The following PRKG1 variants were observed in gnomAD, a reference collection of about 807,000 sequenced individuals.
PRKG1 encodes the protein cGMP-dependent protein kinase 1.
In PRKG1, 35 loss-of-function variants were observed where a neutral mutation model predicts 88.1. The ratio of observed to expected loss-of-function variants is 0.40; its 90% CI spans 0.30 to 0.53. The LOEUF (loss-of-function observed/expected upper bound fraction) is 0.53. Ranked by LOEUF, PRKG1 falls within the 20% of genes least tolerant of loss-of-function variation. The pLI, the probability that PRKG1 is intolerant of heterozygous loss-of-function variation, is 0.59. For missense variants in PRKG1, 540 were observed against 839.8 expected (o/e 0.64, Z 4.41); for synonymous variants, 303 against 292.5 (o/e 1.04, Z -0.37).
chr10:51,423,888 C>T (rs1468765749), intron 2 of PRKG1, among the ~76,000 whole-genome samples: 1 of 151,986 alleles, frequency 6.6e-6, no homozygotes, highest in Admixed American at 6.6e-5. Context: ...AAAAATAGGG[C>T]ATAAATTGAA....
chr10:51,871,686 GTT>G (rs1344500979), intron 4 of PRKG1, among the ~76,000 whole-genome samples: 3 of 152,220 alleles, frequency 2.0e-5, no homozygotes, highest in African/African-American at 7.2e-5. Flanking sequence ...GATTGCTACA[GTT>G]CAGTGGGCCT....
At chr10:51,332,500 G>A (rs1037588620) in intron 2 of PRKG1, among the ~76,000 whole-genome samples, 6 of 152,118 alleles carry the variant, frequency 3.9e-5, no homozygotes, top group Non-Finnish European at 7.3e-5. Context: ...TATTTCAAGG[G>A]CCAAAATTTA....
chr10:52,085,531 C>T (rs1846889775), intron 7 of PRKG1, among the ~76,000 whole-genome samples: 1 of 151,746 alleles, frequency 6.6e-6, no homozygotes, highest in African/African-American at 2.4e-5. Flanking sequence ...TTTGACATGC[C>T]CACATCATTT....
intron 2 of PRKG1, among the ~76,000 whole-genome samples, chr10:51,387,984 T>C (rs1837295790): frequency 6.6e-6 from 1 of 152,202 alleles, no homozygotes; most frequent in Non-Finnish European, 1.5e-5. Flanking sequence ...GCTTTGAAGT[T>C]AGTGGGTTGA....
At chr10:50,998,062 G>C (rs1030749831) in intron 1 of PRKG1, among the ~76,000 whole-genome samples, 1 of 152,154 alleles carries the variant, frequency 6.6e-6, no homozygotes, top group Admixed American at 6.5e-5. Context: ...CTTATAGTTT[G>C]TAAAATGCTT....
At chr10:51,534,749 A>C (rs528964825) in intron 3 of PRKG1, among the ~76,000 whole-genome samples, 1 of 152,232 alleles carries the variant, frequency 6.6e-6, no homozygotes, top group African/African-American at 2.4e-5. Context: ...AAAATAGCCA[A>C]GAATGACAAG....
intron 2 of PRKG1, among the ~76,000 whole-genome samples, chr10:51,327,632 A>T (rs909957936): frequency 6.6e-6 from 1 of 152,228 alleles, no homozygotes; most frequent in Non-Finnish European, 1.5e-5. Context: ...CCTGGATGCT[A>T]TAACCTACTA....
chr10:51,820,331 ACTT>A (rs1230765723), intron 4 of PRKG1, among the ~76,000 whole-genome samples: 1 of 152,108 alleles, frequency 6.6e-6, no homozygotes, highest in Non-Finnish European at 1.5e-5. Context: ...GCCACCATCT[ACTT>A]CTTTTTCTCA....
intron 3 of PRKG1, among the ~76,000 whole-genome samples, chr10:51,532,869 T>C (rs1204951281): frequency 6.6e-6 from 1 of 152,178 alleles, no homozygotes; most frequent in Non-Finnish European, 1.5e-5. Context: ...TCTCCCCTTC[T>C]CCCTTTCTTT....
chr10:51,391,919 T>G (rs1456566927), intron 2 of PRKG1, among the ~76,000 whole-genome samples: 3 of 152,218 alleles, frequency 2.0e-5, no homozygotes. Context: ...CCAATGGATA[T>G]TTTTCCTTGC....
chr10:52,048,783 C>T (rs980656413), intron 5 of PRKG1, among the ~76,000 whole-genome samples: 7 of 145,834 alleles, frequency 4.8e-5, no homozygotes, highest in African/African-American at 7.5e-5. Context: ...TTAATTTAGA[C>T]GTGCTGTCAA....
intron 5 of PRKG1, among the ~76,000 whole-genome samples, chr10:52,051,236 A>C (rs770409067): frequency 6.6e-5 from 10 of 152,136 alleles, no homozygotes; most frequent in Non-Finnish European, 1.2e-4. Context: ...ATAGGTTAAG[A>C]GTTCTTCAAT....
chr10:51,893,562 C>T (rs990787223), intron 4 of PRKG1, among the ~76,000 whole-genome samples: 1 of 152,128 alleles, frequency 6.6e-6, no homozygotes, highest in Non-Finnish European at 1.5e-5. Context: ...ACTGTTGCTT[C>T]ATTGCATTTG....
intron 2 of PRKG1, among the ~76,000 whole-genome samples, chr10:51,184,947 C>T (rs547582713): frequency 1.3e-5 from 2 of 152,252 alleles, no homozygotes; most frequent in East Asian, 3.9e-4. Context: ...GCCAATTGAT[C>T]TCTCAGTGTC....
intron 4 of PRKG1, among the ~76,000 whole-genome samples, chr10:51,805,832 C>G (rs774736506): frequency 1.6e-4 from 25 of 152,018 alleles, no homozygotes; most frequent in African/African-American, 6.0e-4. Context: ...TAATACAATT[C>G]TAATGTGATA....
chr10:52,089,973 C>A (rs1349263555), intron 7 of PRKG1, among the ~76,000 whole-genome samples: 1 of 151,806 alleles, frequency 6.6e-6, no homozygotes, highest in Non-Finnish European at 1.5e-5. Flanking sequence ...TGCCACCATG[C>A]CTAGCTAGTT....
chr10:50,992,850 C>T (rs1384734806), intron 1 of PRKG1, among the ~76,000 whole-genome samples: 2 of 152,112 alleles, frequency 1.3e-5, no homozygotes, highest in Non-Finnish European at 2.9e-5. Flanking sequence ...ATGCATTTCT[C>T]AGGATATTGA....
At chr10:51,143,884 T>C (rs371433947) in intron 1 of PRKG1, among the ~76,000 whole-genome samples, 170 of 152,170 alleles carry the variant, frequency 1.1e-3, no homozygotes, top group African/African-American at 3.7e-3. Context: ...ACCCTGGTCA[T>C]GTGTATAGGA....
At chr10:51,674,275 C>A (rs569112889) in intron 3 of PRKG1, among the ~76,000 whole-genome samples, 2 of 151,846 alleles carry the variant, frequency 1.3e-5, no homozygotes, top group Non-Finnish European at 2.9e-5. Flanking sequence ...CATCATGCAC[C>A]CATCAACCTG....
Sources: allele counts gnomAD v4.1 joint callset (sites outside exome capture counted in the v4.1 genomes callset), GRCh38; gene constraint gnomAD v4.1.1; transcripts MANE v1.5; gene names NCBI Gene and HGNC (gene_info 2026-07-23, HGNC 2026-07-21).